Variants in LTBP3 observed in about 807,000 individuals in gnomAD.
LTBP3 encodes latent transforming growth factor beta binding protein 3, also known as latent-transforming growth factor beta-binding protein 3.
In LTBP3, 97 loss-of-function variants were observed where a neutral mutation model predicts 159.7. The observed-to-expected ratio is 0.61, with a 90% CI of 0.52 to 0.72. The LOEUF is 0.72. Ranked by LOEUF, LTBP3 falls within the 30% of genes least tolerant of loss-of-function variation. The pLI is 0.00. For missense variants in LTBP3, 1,584 were observed against 1,864.3 expected (o/e 0.85, Z 2.77); for synonymous variants, 824 against 777.1 (o/e 1.06, Z -1.00).
chr11:65,542,247 C>G (rs1590763313), intron 18 of LTBP3, among the ~76,000 whole-genome samples: 1 of 152,290 alleles, frequency 6.6e-6, no homozygotes, highest in East Asian at 1.9e-4. Flanking sequence ...TTAGTCTATA[C>G]CTTTCTTGGC....
intron 18 of LTBP3, 152 bp from the exon 19 acceptor site, chr11:65,541,880 A>T (rs1856152332): frequency 1.2e-6 from 1 of 837,016 alleles, no homozygotes. Flanking sequence ...ATGTGTCTGA[A>T]TGTGCATGTG....
chr11:65,542,813 C>T lies in LTBP3; in HGVS notation c.2596+292G>A, dbSNP rs546338096. On this transcript the variant is annotated intron_variant, in intron 18 of 27. Coordinates refer to ENST00000301873, the MANE Select transcript of LTBP3 (RefSeq NM_001130144.3). Reference sequence around the variant, plus strand: ...AGTGCCTGGCACATAGTAAGCACCACGATAGCACTAACTGTCATGTTTACT... The same window carrying T: ...AGTGCCTGGCACATAGTAAGCACCATGATAGCACTAACTGTCATGTTTACT... 853 of 422,814 alleles carry T rather than the reference C, an allele frequency of 2.0e-3. 2 individuals are homozygous for T. The Middle Eastern group carries it at 0.031, about 16-fold the overall frequency. 26.2% of individuals were successfully genotyped at this position (422,814 alleles called of 1,614,324 possible). A position where few individuals can be genotyped will look rare whatever the true frequency, so the allele number is the denominator to read the frequency against.
chr11:65,558,059 G>C lies in LTBP3; in HGVS notation c.-100C>G. 1 of 1,066,886 alleles carries C rather than the reference G, an allele frequency of 9.4e-7. No homozygotes were observed. The highest frequency in any genetic ancestry group is 1.1e-6 in the Non-Finnish European group (1 of 881,504). 66.1% of individuals were successfully genotyped at this position (1,066,886 alleles called of 1,614,324 possible). A position where few individuals can be genotyped will look rare whatever the true frequency, so the allele number is the denominator to read the frequency against. On this transcript the variant is annotated 5_prime_UTR_variant, in exon 1 of 28. Transcript: ENST00000301873. Reference sequence around the variant, plus strand: ...GGCCGGGAGCCCCGGGAGAGGGTAGGGGGCAGCGAGGGAGGGCAGCGGGGG... The same window carrying C: ...GGCCGGGAGCCCCGGGAGAGGGTAGCGGGCAGCGAGGGAGGGCAGCGGGGG...
Position 65,550,993 on chromosome 11 carries a change from G to C in LTBP3, c.1720+133C>G, listed in dbSNP as rs188304286. The C allele has an allele frequency of 5.4e-5, 41 of 764,768 alleles. No individual in the cohort carries two copies. In the African/African-American group the frequency reaches 6.5e-4, roughly 12 times the overall value. The allele number at this position is 764,768 out of a possible 1,614,324, so 47.4% of individuals were successfully genotyped here. A position where few individuals can be genotyped will look rare whatever the true frequency, so the allele number is the denominator to read the frequency against. ...CAGTGGGATCTCTGGTGCTCACCAG[G>C]CTTCCCCAGTGCCCAGCCCTGGATA... On this transcript the variant is annotated intron_variant, in intron 11 of 27. Coordinates refer to ENST00000301873, the MANE Select transcript of LTBP3 (RefSeq NM_001130144.3).
rs1012083121 is a variant in LTBP3 at position 65,539,834 on chromosome 11, C to T, written c.3433G>A (p.Asp1145Asn). ...RDVCWSQRGE[D>N]GMCAGPLAGP... ...GCCAGGGGGCCAGCGCACATGCCGTCCTCTCCGCGCTGGCTCCAGCACACG... is the reference window on the plus strand; with the variant it reads ...GCCAGGGGGCCAGCGCACATGCCGTTCTCTCCGCGCTGGCTCCAGCACACG... The change falls in exon 25 of 28, where the codon GAC becomes AAC. Residue 1145 changes from aspartate (D) to asparagine (N), a missense_variant. Around this residue, in one of 6 missense-constraint regions of LTBP3, gnomAD observed 514 missense variants for 530.3 expected, o/e 0.97. Transcript: ENST00000301873. The T allele has an allele frequency of 1.3e-6, 2 of 1,526,634 alleles. No homozygotes were observed. The highest frequency in any genetic ancestry group is 2.4e-5 in the South Asian group (2 of 83,028). The allele number at this position is 1,526,634 out of a possible 1,614,324, so 94.6% of individuals were successfully genotyped here. A position where few individuals can be genotyped will look rare whatever the true frequency, so the allele number is the denominator to read the frequency against.
At chr11:65,541,926 G>C in intron 18 of LTBP3, 198 bp from the exon 19 acceptor site, 1 of 618,070 alleles carries the variant, frequency 1.6e-6, no homozygotes, top group South Asian at 1.7e-5. Flanking sequence ...ACCTTCAGTG[G>C]CTCCCACTAA....
In LTBP3 at chr11:65,547,494, C is replaced by T; in HGVS notation, c.2052G>A (p.Lys684=). 1 of 1,613,900 alleles carries T rather than the reference C, an allele frequency of 6.2e-7. No homozygotes were observed. The highest frequency in any genetic ancestry group is 8.5e-7 in the Non-Finnish European group (1 of 1,179,914). The change falls in exon 14 of 28, where the codon AAG becomes AAA. Residue 684 remains lysine (K), a synonymous_variant. Transcript: ENST00000301873. This position sits in a 1 kb window ranked among gnomAD's most constrained non-coding sequence, Gnocchi z 4.6. ...GFCINFPGHY[K]CNCYPGYRLK... is the part of the protein sequence containing the mutation. ...GCCGGTAGCCGGGGTAGCAGTTGCA[C>T]TTGTAGTGACCGGGAAAGTTGATGC...
At chr11:65,548,454 C>T in intron 11 of LTBP3, 1 of 383,858 alleles carries the variant, frequency 2.6e-6, no homozygotes, top group Non-Finnish European at 4.8e-6. Context: ...CCAGTGTCCT[C>T]TAGCCCAGTG....
rs777330042 is a variant in LTBP3 at position 65,540,889 on chromosome 11, C to T, written c.2959G>A (p.Gly987Ser). 3 of 1,612,798 alleles carry T rather than the reference C, an allele frequency of 1.9e-6. No individual in the cohort carries two copies. The highest frequency in any genetic ancestry group is 2.7e-5 in the African/African-American group (2 of 74,914). The change falls in exon 21 of 28, where the codon GGC becomes AGC. Residue 987 changes from glycine (G) to serine (S), a missense_variant. Transcript: ENST00000301873. ...YTQDNNIVNY[G>S]IPAHRDIDEC... ...CGCTTACCACGGTGGGCTGGGATGC[C>T]GTAGTTGACGATGTTGTTGTCCTGG...
In LTBP3 at chr11:65,548,050, G is replaced by A. The variant is rs777185028; in HGVS notation, c.1721-5C>T. On this transcript the variant is annotated splice_polypyrimidine_tract_variant and splice_region_variant and intron_variant, in intron 11 of 27. Transcript: ENST00000301873. Reference sequence around the variant, plus strand: ...TCAGTCGGCACTCATCAGTCTCTGCGGGCATGGCCAGGTCAAGCGGCAGAG... The same window carrying A: ...TCAGTCGGCACTCATCAGTCTCTGCAGGCATGGCCAGGTCAAGCGGCAGAG... 3.7e-5 allele frequency: 60 copies of A among 1,613,602 alleles called. No homozygotes were observed. Among genetic ancestry groups the A allele is most frequent in the Non-Finnish European group, 5.0e-5 (59 of 1,179,980 alleles).
At position 65,541,212 on chromosome 11, in the gene LTBP3, T is replaced by C; in HGVS notation, c.2807A>G (p.Asn936Ser). 4 of 1,613,792 alleles carry C rather than the reference T, an allele frequency of 2.5e-6. No individual in the cohort carries two copies. The highest frequency in any genetic ancestry group is 3.4e-6 in the Non-Finnish European group (4 of 1,179,960). The change falls in exon 20 of 28, where the codon AAC becomes AGC. Residue 936 changes from asparagine to serine, a missense_variant. Physicochemically the swap from Asn to Ser is conservative, Grantham distance 46 (BLOSUM62 1). Coordinates refer to ENST00000301873, the MANE Select transcript of LTBP3 (RefSeq NM_001130144.3). ...TVFCDSVLAT[N>S]VTQQECCCSL... ...GCAGCAGCACTCCTGCTGGGTCACGTTGGTGGCCAATACGCTGTCGCAGAA... is the reference window on the plus strand; with the variant it reads ...GCAGCAGCACTCCTGCTGGGTCACGCTGGTGGCCAATACGCTGTCGCAGAA...
chr11:65,552,321 G>A lies in LTBP3; in HGVS notation c.1272C>T (p.Thr424=). 1 of 1,614,110 alleles carries A rather than the reference G, an allele frequency of 6.2e-7. No individual in the cohort carries two copies. ...CGACACTGCAGCAGCAGAGCTGGCG[G>A]GTCAGGCGGGTGGTCAGTGGGTGCT... The part of the protein sequence containing the change: ...QCQHPLTTRL[T]RQLCCCSVGK... The change falls in exon 7 of 28, where the codon ACC becomes ACT. Residue 424 remains threonine, a synonymous_variant. Transcript: ENST00000301873. The surrounding 1 kb of genome is among the most constrained non-coding windows in gnomAD (Gnocchi z 6.0).
chr11:65,540,740 G>C, intron 21 of LTBP3, 126 bp from the exon 22 acceptor site: 1 of 1,508,954 alleles, frequency 6.6e-7, no homozygotes, highest in Non-Finnish European at 9.1e-7. Context: ...CCTACAGGGC[G>C]GGGCCTGCGA....
At position 65,553,107 on chromosome 11, in the gene LTBP3, C is replaced by T. The variant is rs941255351; in HGVS notation, c.1063+57G>A. 58 of 1,604,198 alleles carry T rather than the reference C, an allele frequency of 3.6e-5. No homozygotes were observed. In the Admixed American group the frequency reaches 9.5e-4, roughly 26 times the overall value. ...CTCGCCCACCTTGGGACCCTCCCCA[C>T]CCCCAGTGATGGCTGGCCTGCCCCT... On this transcript the variant is annotated intron_variant, in intron 5 of 27. Coordinates refer to ENST00000301873, the MANE Select transcript of LTBP3 (RefSeq NM_001130144.3). The surrounding 1 kb of genome is among the most constrained non-coding windows in gnomAD (Gnocchi z 6.5).
Position 65,540,983 on chromosome 11 carries a change from G to A in LTBP3, c.2894-29C>T, listed in dbSNP as rs569957386. Reference sequence around the variant, plus strand: ...CAGGGGCAGGGCGGCCGTGGGGAGGGAAGAGGCAGGACTGAGCGCGCGCGT... The same window carrying A: ...CAGGGGCAGGGCGGCCGTGGGGAGGAAAGAGGCAGGACTGAGCGCGCGCGT... On this transcript the variant is annotated intron_variant, in intron 20 of 27. Coordinates refer to ENST00000301873, the MANE Select transcript of LTBP3 (RefSeq NM_001130144.3). 3.1e-5 allele frequency: 50 copies of A among 1,606,260 alleles called. 1 individual carries two copies. In the South Asian group the frequency reaches 4.6e-4, roughly 15 times the overall value.
intron 18 of LTBP3, chr11:65,542,334 AC>A (rs1249092802): frequency 8.2e-5 from 13 of 159,396 alleles, no homozygotes; most frequent in Non-Finnish European, 1.2e-4. Context: ...ATTGTTGATT[AC>A]CTAGTACAAA....
At position 65,540,075 on chromosome 11, in the gene LTBP3, C is replaced by G; in HGVS notation, c.3323G>C (p.Cys1108Ser). Residue 1108 changes from cysteine (C) to serine (S), a missense_variant, in exon 24 of 28, where the codon TGT (cysteine) becomes TCT (serine). Physicochemically the swap from Cys to Ser is moderately radical, Grantham distance 112. Around this residue, in one of 6 missense-constraint regions of LTBP3, gnomAD observed 514 missense variants for 530.3 expected, o/e 0.97. Transcript: ENST00000301873. ...VNLPGSYRCE[C>S]RPPWVPGPSG... ...GGGCCCGGGCACCCAGGGCGGGCGACACTCGCAGCGGTAGGAGCCCGGCAG... is the reference window on the plus strand; with the variant it reads ...GGGCCCGGGCACCCAGGGCGGGCGAGACTCGCAGCGGTAGGAGCCCGGCAG... 6.6e-7 allele frequency: 1 copy of G among 1,524,762 alleles called. No individual in the cohort carries two copies. The highest frequency in any genetic ancestry group is 8.8e-7 in the Non-Finnish European group (1 of 1,141,446). 94.5% of individuals were successfully genotyped at this position (1,524,762 alleles called of 1,614,324 possible).
chr11:65,546,683 A>G lies in LTBP3; in HGVS notation c.2230+115T>C, dbSNP rs1856385412. 2 of 1,542,018 alleles carry G rather than the reference A, an allele frequency of 1.3e-6. No homozygotes were observed. Among genetic ancestry groups the G allele is most frequent in the Admixed American group, 1.9e-5 (1 of 53,134 alleles). On this transcript the variant is annotated intron_variant, in intron 15 of 27. Transcript: ENST00000301873. The surrounding 1 kb of genome is among the most constrained non-coding windows in gnomAD (Gnocchi z 4.0). ...TTGAGAGGGCAGCCTCTACTCCCGG[A>G]AGGCCCCGCCCCCAGACGCCAATCA...
chr11:65,553,084 C>T lies in LTBP3; in HGVS notation c.1063+80G>A, dbSNP rs1208858458. ...CTTGCCCCAGCCCCACCTCCTCTCTCGCCCACCTTGGGACCCTCCCCACCC... is the reference window on the plus strand; with the variant it reads ...CTTGCCCCAGCCCCACCTCCTCTCTTGCCCACCTTGGGACCCTCCCCACCC... On this transcript the variant is annotated intron_variant, in intron 5 of 27. Coordinates refer to ENST00000301873, the MANE Select transcript of LTBP3 (RefSeq NM_001130144.3). The surrounding 1 kb of genome is among the most constrained non-coding windows in gnomAD (Gnocchi z 6.5). 5 of 1,605,110 alleles carry T rather than the reference C, an allele frequency of 3.1e-6. No homozygotes were observed. The highest frequency in any genetic ancestry group is 2.2e-5 in the South Asian group (2 of 90,852).
Sources: gnomAD v4.1 joint callset for allele counts (sites outside exome capture counted in the v4.1 genomes callset) on GRCh38, gnomAD v4.1.1 for gene constraint, gnomAD v4.1.1 regional missense constraint, Gnocchi (gnomAD v3.1) non-coding constraint, MANE v1.5 for transcripts, NCBI Gene and HGNC (gene_info 2026-07-23, HGNC 2026-07-21) for gene names.